Variants in OAS1 observed in about 807,000 individuals in gnomAD.
OAS1 encodes 2'-5'-oligoadenylate synthetase 1.
A neutral mutation model predicts 38.5 loss-of-function variants in OAS1; 24 were observed. That is an observed-to-expected ratio of 0.62 (90% CI 0.45 to 0.88). The LOEUF (loss-of-function observed/expected upper bound fraction) is 0.88, where lower values mean the gene tolerates loss of function less well. OAS1 is among the 40% of genes least tolerant of loss of function. OAS1 has a pLI of 0.00. For synonymous variants in OAS1, 169 were observed against 193.9 expected (o/e 0.87, Z 1.07); for missense variants, 482 against 493.9 (o/e 0.98, Z 0.23).
chr12:112,907,284 G>A, intron 1 of OAS1, 65 bp downstream of exon 1: 1 of 598,774 alleles, frequency 1.7e-6, no homozygotes, highest in Non-Finnish European at 2.4e-6. Flanking sequence ...GATTGAGAAT[G>A]AGAGAGAGAG....
At chr12:112,919,153 G>C (rs1053619251) in intron 5 of OAS1, 6 of 483,636 alleles carry the variant, frequency 1.2e-5, no homozygotes, top group Non-Finnish European at 2.3e-5. Context: ...CTGTGCTTGG[G>C]CACCTTGGGA....
downstream of OAS1, among the ~76,000 whole-genome samples, chr12:112,920,512 C>T (rs2043522498): frequency 6.6e-6 from 1 of 152,180 alleles, no homozygotes; most frequent in South Asian, 2.1e-4. Context: ...TTAATTGTGG[C>T]TACTAGAAAA....
At chr12:112,926,179 G>T (rs2043556953) in intron 6 of OAS1, among the ~76,000 whole-genome samples, 1 of 152,124 alleles carries the variant, frequency 6.6e-6, no homozygotes, top group African/African-American at 2.4e-5. Context: ...TAATGGCCAG[G>T]TCTCACTATT....
At chr12:112,910,728 G>T (rs1361546485) in intron 2 of OAS1, among the ~76,000 whole-genome samples, 1 of 152,188 alleles carries the variant, frequency 6.6e-6, no homozygotes, top group African/African-American at 2.4e-5. Flanking sequence ...AAGATCTTTG[G>T]GTTTTAAAAT....
chr12:112,917,650 C>T lies in OAS1; in HGVS notation c.988C>T (p.Pro330Ser), dbSNP rs1804488. Reference protein sequence around the residue: ...AQEAEAWLNYPCFKNWDGSPV... With the variant: ...AQEAEAWLNYSCFKNWDGSPV... ...AGAGGCTGAGGCCTGGCTGAATTAC[C>T]CATGCTTTAAGAATTGGGATGGGTC... Residue 330 changes from proline to serine, a missense_variant, in exon 5 of 6, where the codon CCA becomes TCA. Pro to Ser is a moderately conservative substitution (Grantham distance 74). Coordinates refer to ENST00000202917, the MANE Select transcript of OAS1 (RefSeq NM_016816.4). 3.1e-6 allele frequency: 5 copies of T among 1,614,050 alleles called. No individual in the cohort carries two copies. The highest frequency in any genetic ancestry group is 2.7e-5 in the African/African-American group (2 of 74,912).
chr12:112,910,294 G>A (rs189490553), intron 2 of OAS1, among the ~76,000 whole-genome samples: 80 of 152,236 alleles, frequency 5.3e-4, no homozygotes, highest in Middle Eastern at 3.4e-3. Context: ...CTTGAACCCA[G>A]GAGATGGAGG....
downstream of OAS1, among the ~76,000 whole-genome samples, chr12:112,921,026 G>A (rs2043525469): frequency 6.6e-6 from 1 of 152,148 alleles, no homozygotes; most frequent in Non-Finnish European, 1.5e-5. Flanking sequence ...GAAAGCTTAT[G>A]TTTTCCTACT....
At position 112,926,762 on chromosome 12, in the gene OAS1, C is replaced by G. The variant is rs111350049; in HGVS notation, c.1168-5116C>G. Among the ~76,000 whole-genome samples, 7 of 152,296 alleles carry G rather than the reference C, an allele frequency of 4.6e-5. 1 individual carries two copies. Among genetic ancestry groups the G allele is most frequent in the African/African-American group, 1.7e-4 (7 of 41,564 alleles). On this transcript the variant is annotated intron_variant, in intron 6 of 6. Coordinates refer to the OAS1 transcript ENST00000540589. ...GTTCAAGAGCAGAGAACCAGTCTGA[C>G]TAGAATTCGCCAGGCTGGAATTTCC...
chr12:112,907,895 A>G (rs2043318066), intron 1 of OAS1: 1 of 152,424 alleles, frequency 6.6e-6, no homozygotes, highest in South Asian at 2.1e-4. Flanking sequence ...AATGCAAAAA[A>G]CTTTTATAAG....
At chr12:112,926,763 T>C (rs1045098656) in intron 6 of OAS1, among the ~76,000 whole-genome samples, 1 of 152,214 alleles carries the variant, frequency 6.6e-6, no homozygotes, top group African/African-American at 2.4e-5. Context: ...CCAGTCTGAC[T>C]AGAATTCGCC....
Position 112,919,847 on chromosome 12 carries a change from G to A in OAS1, c.*294G>A, listed in dbSNP as rs2043517685. 2.1e-6 allele frequency: 2 copies of A among 954,642 alleles called. No homozygotes were observed. The highest frequency in any genetic ancestry group is 3.2e-4 in the Middle Eastern group (1 of 3,140). The allele number at this position is 954,642 out of a possible 1,614,324, so 59.1% of individuals were successfully genotyped here. On this transcript the variant is annotated 3_prime_UTR_variant, in exon 6 of 6. Transcript: ENST00000202917. ...AGCCTTGACTTTCTTCTGTGCACCTGATGGGAGGGTAATGTCTAATGTATT... is the reference window on the plus strand; with the variant it reads ...AGCCTTGACTTTCTTCTGTGCACCTAATGGGAGGGTAATGTCTAATGTATT...
rs2043516310 is a variant in OAS1, at chr12:112,919,753, A to G, written c.*200A>G. ...ATAACATTCTCCACAGCCTCACTTCATTCCACCTATTCTCTGAAAATATTC... is the reference window on the plus strand; with the variant it reads ...ATAACATTCTCCACAGCCTCACTTCGTTCCACCTATTCTCTGAAAATATTC... On this transcript the variant is annotated 3_prime_UTR_variant, in exon 6 of 6. Coordinates refer to ENST00000202917, the MANE Select transcript of OAS1 (RefSeq NM_016816.4). 10 of 1,453,146 alleles carry G rather than the reference A, an allele frequency of 6.9e-6. No individual in the cohort carries two copies. The highest frequency in any genetic ancestry group is 9.1e-6 in the Non-Finnish European group (10 of 1,097,622). 90.0% of individuals were successfully genotyped at this position (1,453,146 alleles called of 1,614,324 possible).
At chr12:112,924,700 T>G (rs1410735109), downstream of OAS1, among the ~76,000 whole-genome samples, 1 of 152,212 alleles carries the variant, frequency 6.6e-6, no homozygotes, top group Admixed American at 6.5e-5. Flanking sequence ...TTAAACATTT[T>G]CAGTGGTGAT....
chr12:112,924,635 C>T (rs762678226), downstream of OAS1, among the ~76,000 whole-genome samples: 1 of 152,092 alleles, frequency 6.6e-6, no homozygotes, highest in African/African-American at 2.4e-5. Flanking sequence ...TCAGTACTAT[C>T]GTACTTGGCA....
chr12:112,921,442 A>T (rs767945825), downstream of OAS1, among the ~76,000 whole-genome samples: 7 of 152,236 alleles, frequency 4.6e-5, no homozygotes, highest in Non-Finnish European at 1.0e-4. Context: ...ATCAGTAATT[A>T]GTTGCTTGAT....
chr12:112,922,382 T>A (rs927077059), downstream of OAS1, among the ~76,000 whole-genome samples: 1 of 152,108 alleles, frequency 6.6e-6, no homozygotes. Flanking sequence ...TGGTATAAAT[T>A]GAGTAGTGCC....
chr12:112,925,484 G>A (rs1054104514), intron 6 of OAS1, among the ~76,000 whole-genome samples: 3 of 152,176 alleles, frequency 2.0e-5, no homozygotes, highest in African/African-American at 7.2e-5. Context: ...GAGACATCAA[G>A]TCACTTACCT....
At chr12:112,917,454 C>T in intron 4 of OAS1, 93 bp from the exon 5 acceptor site, 5 of 1,534,776 alleles carry the variant, frequency 3.3e-6, no homozygotes, top group Non-Finnish European at 1.8e-6. Flanking sequence ...CCCAGTTCAT[C>T]CCATGCTGCT....
chr12:112,908,137 A>G (rs1221392617), intron 1 of OAS1, among the ~76,000 whole-genome samples: 1 of 152,116 alleles, frequency 6.6e-6, no homozygotes, highest in Non-Finnish European at 1.5e-5. Flanking sequence ...TTTTTCCTCT[A>G]CTTTCCCTCA....
Sources: allele counts gnomAD v4.1 joint callset (sites outside exome capture counted in the v4.1 genomes callset), GRCh38; gene constraint gnomAD v4.1.1; transcripts MANE v1.5; gene names NCBI Gene and HGNC (gene_info 2026-07-23, HGNC 2026-07-21).